Variants in ZNF354B observed in about 807,000 individuals in gnomAD.
ZNF354B encodes zinc finger protein 354B.
In ZNF354B, 10 loss-of-function variants were observed where a neutral mutation model predicts 12.9. The observed-to-expected ratio is 0.77, with a 90% CI of 0.48 to 1.31. The LOEUF (loss-of-function observed/expected upper bound fraction) is 1.31. ZNF354B is among the 40% of genes most tolerant of loss of function. ZNF354B has a pLI of 0.00. For synonymous variants in ZNF354B, 260 were observed against 243.7 expected, an observed-to-expected ratio of 1.07 and a Z score of -0.62; for missense variants, 614 against 711.7, an observed-to-expected ratio of 0.86 and a Z score of 1.56.
At chr5:178,866,567 G>C (rs1454339297) in intron 3 of ZNF354B, among the ~76,000 whole-genome samples, 197 bp downstream of exon 3, 1 of 151,948 alleles carries the variant, frequency 6.6e-6, no homozygotes, top group Non-Finnish European at 1.5e-5. Context: ...TTGGCGGGTG[G>C]GTATTGATAA....
intron 4 of ZNF354B, among the ~76,000 whole-genome samples, chr5:178,872,064 C>G (rs969703682): frequency 1.2e-4 from 18 of 152,186 alleles, no homozygotes; most frequent in African/African-American, 4.1e-4. Flanking sequence ...CAGAAAAATC[C>G]CTTCAGTCAG....
At chr5:178,867,262 C>G (rs1269689537) in intron 4 of ZNF354B, among the ~76,000 whole-genome samples, 191 bp downstream of exon 4, 1 of 146,022 alleles carries the variant, frequency 6.8e-6, no homozygotes, top group East Asian at 1.9e-4. Context: ...CTCTCAGCAT[C>G]TCTTTTCTTA....
At chr5:178,879,055 G>C (rs1757680728) in intron 4 of ZNF354B, among the ~76,000 whole-genome samples, 1 of 149,560 alleles carries the variant, frequency 6.7e-6, no homozygotes, top group South Asian at 2.1e-4. Flanking sequence ...TGTGTGTGCT[G>C]CTTTTTTTTT....
intron 4 of ZNF354B, among the ~76,000 whole-genome samples, chr5:178,870,587 T>C (rs2114015340): frequency 6.6e-6 from 1 of 152,260 alleles, no homozygotes; most frequent in Admixed American, 6.5e-5. Context: ...GCCTGCTTTG[T>C]TTTCTTACTG....
In ZNF354B at chr5:178,884,420, C is replaced by T. The variant is rs1381155961; in HGVS notation, c.*129C>T. On this transcript the variant is annotated 3_prime_UTR_variant, in exon 5 of 5. Transcript: ENST00000322434. ...AGAATAAACTTTAGCTATGTAATAA[C>T]TTATGGGAAAAGCTTTTATACTTGT... is the stretch of plus-strand genomic sequence containing the variant. 2.0e-6 allele frequency: 2 copies of T among 1,017,332 alleles called. No homozygotes were observed. Among genetic ancestry groups the T allele is most frequent in the African/African-American group, 3.3e-5 (2 of 61,534 alleles). The allele number at this position is 1,017,332 out of a possible 1,614,324, so 63.0% of individuals were successfully genotyped here.
At chr5:178,867,982 A>C (rs11948175) in intron 4 of ZNF354B, among the ~76,000 whole-genome samples, 22,554 of 152,216 alleles carry the variant, frequency 0.15, 2,052 homozygotes, top group African/African-American at 0.25. Context: ...AGCCTTGCAG[A>C]GCAATTGCAA....
chr5:178,864,813 G>A (rs1358015983), intron 2 of ZNF354B, among the ~76,000 whole-genome samples: 1 of 151,978 alleles, frequency 6.6e-6, no homozygotes, highest in African/African-American at 2.4e-5. Context: ...TGTAGAGACA[G>A]GGTTTCACCG....
In ZNF354B at chr5:178,883,283, A is replaced by T; in HGVS notation, c.831A>T (p.Lys277Asn). 1 of 1,613,434 alleles carries T rather than the reference A, an allele frequency of 6.2e-7. No homozygotes were observed. The highest frequency in any genetic ancestry group is 1.1e-5 in the South Asian group (1 of 90,838). Residue 277 changes from lysine (K) to asparagine (N), a missense_variant, in exon 5 of 5, where the codon AAA becomes AAT. Coordinates refer to ENST00000322434, the MANE Select transcript of ZNF354B (RefSeq NM_058230.3). Reference protein sequence around the residue: ...EKPYICKECGKAFSHSASLCK... With the variant: ...EKPYICKECGNAFSHSASLCK... ...CCTATATATGTAAAGAATGTGGGAAAGCCTTCAGCCATAGTGCATCCCTTT... is the reference window on the plus strand; with the variant it reads ...CCTATATATGTAAAGAATGTGGGAATGCCTTCAGCCATAGTGCATCCCTTT...
In ZNF354B at chr5:178,866,240, A is replaced by T; in HGVS notation, c.34-4A>T. ...GGGTGAGCTGGAACGACTTGTCCTTACAGGTGTCACTGACATTCGAGGACG... is the reference window on the plus strand; with the variant it reads ...GGGTGAGCTGGAACGACTTGTCCTTTCAGGTGTCACTGACATTCGAGGACG... On this transcript the variant is annotated splice_polypyrimidine_tract_variant and splice_region_variant and intron_variant, in intron 2 of 4. Transcript: ENST00000322434. 6.2e-7 allele frequency: 1 copy of T among 1,613,920 alleles called. No individual in the cohort carries two copies. The highest frequency in any genetic ancestry group is 8.5e-7 in the Non-Finnish European group (1 of 1,179,888).
Position 178,884,554 on chromosome 5 carries a change from A to G in ZNF354B, c.*263A>G, listed in dbSNP as rs906306662. On this transcript the variant is annotated 3_prime_UTR_variant, in exon 5 of 5. Coordinates refer to ENST00000322434, the MANE Select transcript of ZNF354B (RefSeq NM_058230.3). ...AAAATCTCTTTATATAATATATGCT[A>G]TCTATGACATGCAAAAAAGAAAAGT... 1 of 290,254 alleles carries G rather than the reference A, an allele frequency of 3.4e-6. No homozygotes were observed. Among genetic ancestry groups the G allele is most frequent in the Non-Finnish European group, 6.3e-6 (1 of 159,290 alleles). 18.0% of individuals were successfully genotyped at this position (290,254 alleles called of 1,614,324 possible). A position where few individuals can be genotyped will look rare whatever the true frequency, so the allele number is the denominator to read the frequency against.
At chr5:178,878,223 A>T (rs1389185272) in intron 4 of ZNF354B, among the ~76,000 whole-genome samples, 1 of 150,744 alleles carries the variant, frequency 6.6e-6, no homozygotes, top group Non-Finnish European at 1.5e-5. Context: ...CTCTACTAAA[A>T]ATACAAAAAA....
intron 4 of ZNF354B, 35 bp from the exon 5 acceptor site, chr5:178,882,674 T>TCATG (rs1323750387): frequency 6.6e-7 from 1 of 1,518,766 alleles, no homozygotes; most frequent in East Asian, 2.3e-5. Context: ...ATCACATGAA[T>TCATG]CATGGGCTGT....
At position 178,884,549 on chromosome 5, in the gene ZNF354B, A is replaced by G. The variant is rs1187699991; in HGVS notation, c.*258A>G. On this transcript the variant is annotated 3_prime_UTR_variant, in exon 5 of 5. Transcript: ENST00000322434. ...TTTATAAAATCTCTTTATATAATATATGCTATCTATGACATGCAAAAAAGA... is the reference window on the plus strand; with the variant it reads ...TTTATAAAATCTCTTTATATAATATGTGCTATCTATGACATGCAAAAAAGA... The G allele has an allele frequency of 3.1e-6, 1 of 320,608 alleles. No individual in the cohort carries two copies. Among genetic ancestry groups the G allele is most frequent in the Non-Finnish European group, 5.6e-6 (1 of 178,182 alleles). The allele number at this position is 320,608 out of a possible 1,614,324, so 19.9% of individuals were successfully genotyped here.
At chr5:178,864,966 A>G (rs79793670) in intron 2 of ZNF354B, among the ~76,000 whole-genome samples, 22,507 of 152,062 alleles carry the variant, frequency 0.15, 2,026 homozygotes, top group African/African-American at 0.25. Context: ...ACAGTGATAT[A>G]TAACCTGCTT....
chr5:178,883,760 A>C lies in ZNF354B; in HGVS notation c.1308A>C (p.Lys436Asn). ...NRHRIIHTGE[K>N]LYNCNECGKA... ...ACCGAATAATTCATACTGGAGAGAA[A>C]TTGTATAATTGTAATGAATGTGGTA... The change falls in exon 5 of 5, where the codon AAA (lysine) becomes AAC (asparagine). Residue 436 changes from lysine to asparagine, a missense_variant. By Grantham distance (94) the Lys-to-Asn change is moderately conservative (BLOSUM62 0). Coordinates refer to ENST00000322434, the MANE Select transcript of ZNF354B (RefSeq NM_058230.3). 3.1e-6 allele frequency: 5 copies of C among 1,614,102 alleles called. No individual in the cohort carries two copies. The highest frequency in any genetic ancestry group is 4.2e-6 in the Non-Finnish European group (5 of 1,179,948).
chr5:178,873,624 C>A, intron 4 of ZNF354B, among the ~76,000 whole-genome samples: 1 of 152,206 alleles, frequency 6.6e-6, no homozygotes, highest in South Asian at 2.1e-4. Context: ...TTCCATTGTT[C>A]TGTGTTTCTG....
At position 178,885,006 on chromosome 5, in the gene ZNF354B, T is replaced by C. The variant is rs1272437140; in HGVS notation, c.*715T>C. The stretch of plus-strand genomic sequence containing the variant: ...TGTCAAACTTCGTGCATGGCTTTTA[T>C]TAAAAAAGAAAAAATCTGTTCTCTT... On this transcript the variant is annotated 3_prime_UTR_variant, in exon 5 of 5. Transcript: ENST00000322434. 6.6e-6 allele frequency: 1 copy of C among 152,184 alleles called. No homozygotes were observed. Among genetic ancestry groups the C allele is most frequent in the Non-Finnish European group, 1.5e-5 (1 of 68,024 alleles). The allele number at this position is 152,184 out of a possible 1,614,324, so 9.4% of individuals were successfully genotyped here.
chr5:178,861,674 C>A (rs141834941), intron 2 of ZNF354B, among the ~76,000 whole-genome samples: 3 of 145,916 alleles, frequency 2.1e-5, no homozygotes, highest in Admixed American at 6.9e-5. Flanking sequence ...ACACAGAAGA[C>A]CCCTCAGCTA....
chr5:178,868,235 C>T (rs376727394), intron 4 of ZNF354B, among the ~76,000 whole-genome samples: 2 of 150,192 alleles, frequency 1.3e-5, no homozygotes, highest in South Asian at 4.2e-4. Flanking sequence ...AAGCTTGGAG[C>T]TGGCCAGGTG....
Sources: allele counts gnomAD v4.1 joint callset (sites outside exome capture counted in the v4.1 genomes callset), GRCh38; gene constraint gnomAD v4.1.1; transcripts MANE v1.5; gene names NCBI Gene and HGNC (gene_info 2026-07-23, HGNC 2026-07-21).